The following NNT variants were observed in gnomAD, a reference collection of about 807,000 sequenced individuals.
The protein encoded by NNT is nicotinamide nucleotide transhydrogenase, also known as NAD(P) transhydrogenase, mitochondrial.
NNT carries 50 observed loss-of-function variants against 104.8 expected under a neutral mutation model. That is an observed-to-expected ratio of 0.48 (90% CI 0.38 to 0.60). The LOEUF is 0.60. Ranked by LOEUF, NNT falls within the 20% of genes least tolerant of loss-of-function variation. The probability of loss-of-function intolerance (pLI) is 0.00; values close to 1 mark genes in which losing one functional copy is unlikely to be tolerated. For missense variants in NNT, 1,131 were observed against 1,330.7 expected, an observed-to-expected ratio of 0.85 and a Z score of 2.33; for synonymous variants, 461 against 490.4, an observed-to-expected ratio of 0.94 and a Z score of 0.79.
At position 43,649,321 on chromosome 5, in the gene NNT, C is replaced by T. The variant is rs779667348; in HGVS notation, c.1606+13C>T. The T allele has an allele frequency of 1.2e-6, 2 of 1,613,666 alleles. No homozygotes were observed. The highest frequency in any genetic ancestry group is 2.2e-5 in the East Asian group (1 of 44,874). ...AATGCAATCTCAGGTTTGTTCCTCT[C>T]TTGTTTTTCCTCATCTCAGGTTTTC... On this transcript the variant is annotated intron_variant, in intron 11 of 21. Transcript: ENST00000344920.
intron 1 of NNT, among the ~76,000 whole-genome samples, chr5:43,605,803 T>C (rs1749193288): frequency 6.6e-6 from 1 of 152,188 alleles, no homozygotes; most frequent in Non-Finnish European, 1.5e-5. Flanking sequence ...AGAAATGACC[T>C]CCTGATCTCT....
At chr5:43,671,863 A>T (rs1561310282) in intron 17 of NNT, among the ~76,000 whole-genome samples, 1 of 152,114 alleles carries the variant, frequency 6.6e-6, no homozygotes, top group Non-Finnish European at 1.5e-5. Context: ...CTCCCGGATA[A>T]TATCCTGCAG....
chr5:43,618,989 C>T (rs1173513462), intron 4 of NNT, 43 bp from the exon 5 acceptor site: 2 of 1,201,308 alleles, frequency 1.7e-6, no homozygotes, highest in Non-Finnish European at 2.2e-6. Context: ...GAGATCTCTC[C>T]TTTTATGGAA....
intron 19 of NNT, among the ~76,000 whole-genome samples, chr5:43,699,620 C>T (rs183470787): frequency 4.5e-4 from 69 of 152,070 alleles, no homozygotes; most frequent in African/African-American, 1.5e-3. Flanking sequence ...TTCCAAAGTG[C>T]GGGGATTACA....
intron 2 of NNT, among the ~76,000 whole-genome samples, chr5:43,610,633 T>A (rs1749453132): frequency 6.6e-6 from 1 of 152,202 alleles, no homozygotes; most frequent in African/African-American, 2.4e-5. Flanking sequence ...AGATCTTATG[T>A]CTGCCTTGAA....
intron 21 of NNT, among the ~76,000 whole-genome samples, chr5:43,703,155 A>G (rs888640660): frequency 1.3e-5 from 2 of 152,220 alleles, no homozygotes; most frequent in African/African-American, 2.4e-5. Flanking sequence ...AAGTTGTTAT[A>G]GAGTGTCTAG....
chr5:43,704,068 G>C (rs1207626206), intron 21 of NNT, among the ~76,000 whole-genome samples, 187 bp from the exon 22 acceptor site: 2 of 152,128 alleles, frequency 1.3e-5, no homozygotes, highest in East Asian at 3.8e-4. Context: ...GCACACTTAA[G>C]TATTAAAGTT....
intron 6 of NNT, among the ~76,000 whole-genome samples, chr5:43,627,732 G>A (rs1750443581): frequency 6.6e-6 from 1 of 152,018 alleles, no homozygotes; most frequent in Admixed American, 6.6e-5. Context: ...GACTGGTTGG[G>A]GGGTAAAAAT....
intron 17 of NNT, among the ~76,000 whole-genome samples, chr5:43,661,790 T>C (rs1450005400): frequency 6.6e-6 from 1 of 152,122 alleles, no homozygotes; most frequent in Non-Finnish European, 1.5e-5. Context: ...TGTGCCACAT[T>C]TTCTTAATCC....
chr5:43,651,353 G>A (rs1035749386), intron 12 of NNT, among the ~76,000 whole-genome samples: 3 of 152,090 alleles, frequency 2.0e-5, no homozygotes, highest in African/African-American at 7.3e-5. Context: ...AAGGCGGGTA[G>A]ATCACCTGAG....
intron 17 of NNT, among the ~76,000 whole-genome samples, chr5:43,674,636 T>A (rs1741310886): frequency 6.6e-6 from 1 of 152,358 alleles, no homozygotes; most frequent in African/African-American, 2.4e-5. Flanking sequence ...ATGCAGTGAT[T>A]TGAATTCTTA....
intron 6 of NNT, among the ~76,000 whole-genome samples, chr5:43,625,922 C>T (rs1017607685): frequency 6.6e-6 from 1 of 151,958 alleles, no homozygotes; most frequent in Non-Finnish European, 1.5e-5. Flanking sequence ...TTTTACTGTT[C>T]CATTTATCTT....
At chr5:43,702,384 C>T (rs895956445) in intron 20 of NNT, among the ~76,000 whole-genome samples, 1 of 152,158 alleles carries the variant, frequency 6.6e-6, no homozygotes, top group Non-Finnish European at 1.5e-5. Flanking sequence ...CATAATAATG[C>T]AGGCTGTAGT....
At chr5:43,620,992 G>GA (rs1239875486) in intron 5 of NNT, among the ~76,000 whole-genome samples, 2 of 152,228 alleles carry the variant, frequency 1.3e-5, no homozygotes, top group African/African-American at 4.8e-5. Context: ...TATCTTTATT[G>GA]AAAATTTAAA....
At position 43,640,444 on chromosome 5, in the gene NNT, G is replaced by C. The variant is rs567440823; in HGVS notation, c.965-3748G>C. Among the ~76,000 whole-genome samples, 6 of 152,154 alleles carry C rather than the reference G, an allele frequency of 3.9e-5. No homozygotes were observed. In the South Asian group the frequency reaches 8.3e-4, roughly 21 times the overall value. The stretch of plus-strand genomic sequence containing the variant: ...AGGCTTTTCAATTGGTAAGTAAGTA[G>C]GTTGGGGTTTTTCTAAATTCTTCTA... On this transcript the variant is annotated intron_variant, in intron 7 of 21. Coordinates refer to ENST00000344920, the MANE Select transcript of NNT (RefSeq NM_182977.3).
rs1207991847 is a variant in NNT at position 43,644,522 on chromosome 5, A to C, written c.1099-89A>C. Reference sequence around the variant, plus strand: ...ATTCATAAAGATATATAATTACAAAACTTAGCATTGAATATGAATGATAAT... The same window carrying C: ...ATTCATAAAGATATATAATTACAAACCTTAGCATTGAATATGAATGATAAT... On this transcript the variant is annotated intron_variant, in intron 8 of 21. Coordinates refer to ENST00000344920, the MANE Select transcript of NNT (RefSeq NM_182977.3). 5.6e-6 allele frequency: 7 copies of C among 1,243,572 alleles called. 1 individual carries two copies. The highest frequency in any genetic ancestry group is 2.6e-5 in the Admixed American group (1 of 38,132). 77.0% of individuals were successfully genotyped at this position (1,243,572 alleles called of 1,614,324 possible). A position where few individuals can be genotyped will look rare whatever the true frequency, so the allele number is the denominator to read the frequency against.
intron 20 of NNT, among the ~76,000 whole-genome samples, chr5:43,701,021 C>T (rs1382386645): frequency 6.6e-6 from 1 of 152,202 alleles, no homozygotes; most frequent in African/African-American, 2.4e-5. Context: ...TTATGTGTGA[C>T]ACCACCCAGT....
intron 19 of NNT, among the ~76,000 whole-genome samples, chr5:43,689,661 C>CA (rs1304828591): frequency 2.6e-5 from 4 of 151,976 alleles, no homozygotes; most frequent in Non-Finnish European, 5.9e-5. Flanking sequence ...CCTTTCCAGA[C>CA]AAAATCTCTG....
intron 17 of NNT, among the ~76,000 whole-genome samples, chr5:43,674,037 A>G (rs1336785535): frequency 1.3e-5 from 2 of 151,194 alleles, no homozygotes; most frequent in Non-Finnish European, 1.5e-5. Flanking sequence ...AAAAAAAAAG[A>G]CATCACTTTA....
Sources: gnomAD v4.1 joint callset for allele counts (sites outside exome capture counted in the v4.1 genomes callset) on GRCh38, gnomAD v4.1.1 for gene constraint, MANE v1.5 for transcripts, NCBI Gene and HGNC (gene_info 2026-07-23, HGNC 2026-07-21) for gene names.